The following PSD3 variants were observed in gnomAD, a reference collection of about 807,000 sequenced individuals.
PSD3 encodes the protein pleckstrin and Sec7 domain containing 3.
In PSD3, 49 loss-of-function variants were observed where a neutral mutation model predicts 105.5. The observed-to-expected ratio is 0.46, with a 90% CI of 0.37 to 0.59. The LOEUF is 0.59. Among genes scored for constraint, PSD3 ranks in the 20% least tolerant of loss-of-function variants. PSD3 has a pLI of 0.00. For missense variants in PSD3, 1,561 were observed against 1,263.8 expected, an observed-to-expected ratio of 1.24 and a Z score of -3.57; for synonymous variants, 557 against 457.8, an observed-to-expected ratio of 1.22 and a Z score of -2.77.
rs569445593 is a variant in PSD3, at chr8:18,759,140, T to C, written c.2172+6309A>G. ...CTTTCTTCCACATTAAAACTTTTGC[T>C]CTTCCCTTAAGGGAAGACGTGCTAA... On this transcript the variant is annotated intron_variant, in intron 9 of 15. Transcript: ENST00000327040. 7.2e-5 allele frequency among the ~76,000 whole-genome samples: 11 copies of C among 151,998 alleles called. No homozygotes were observed. In the South Asian group the frequency reaches 1.9e-3, roughly 26 times the overall value.
At chr8:18,857,107 G>C (rs757120533) in intron 4 of PSD3, among the ~76,000 whole-genome samples, 4 of 152,154 alleles carry the variant, frequency 2.6e-5, no homozygotes, top group Non-Finnish European at 5.9e-5. Context: ...TCATTTCCAG[G>C]TTCACAGCCA....
At chr8:18,659,245 C>A (rs889604939) in intron 9 of PSD3, among the ~76,000 whole-genome samples, 15 of 152,190 alleles carry the variant, frequency 9.9e-5, no homozygotes, top group African/African-American at 3.6e-4. Context: ...AACAATAGAA[C>A]AAATTAATGC....
At chr8:18,711,655 A>T (rs534354886) in intron 9 of PSD3, among the ~76,000 whole-genome samples, 12 of 152,314 alleles carry the variant, frequency 7.9e-5, no homozygotes, top group African/African-American at 2.9e-4. Flanking sequence ...CTACAAAGAG[A>T]CTTAGACTCC....
intron 9 of PSD3, among the ~76,000 whole-genome samples, chr8:18,753,135 T>C (rs1805742579): frequency 6.6e-6 from 1 of 152,018 alleles, no homozygotes; most frequent in Admixed American, 6.6e-5. Flanking sequence ...GGCAGGTGGA[T>C]CACGAGGTCA....
rs527355924 is a variant in PSD3 at position 18,951,489 on chromosome 8, C to G, written c.22-15347G>C. On this transcript the variant is annotated intron_variant, in intron 1 of 15. Transcript: ENST00000327040. ...AAAACCCAATCCTCTAGGGCCACAG[C>G]CACCATTCCTACAACACAAACCACA... Among the ~76,000 whole-genome samples, 5 of 152,254 alleles carry G rather than the reference C, an allele frequency of 3.3e-5. No homozygotes were observed. In the South Asian group the frequency reaches 6.2e-4, roughly 19 times the overall value.
chr8:18,587,209 C>G (rs976575242), intron 12 of PSD3, among the ~76,000 whole-genome samples: 15 of 152,178 alleles, frequency 9.9e-5, no homozygotes, highest in African/African-American at 3.6e-4. Context: ...ATGCCCCACA[C>G]AGGTCCTGTG....
chr8:18,641,043 C>T (rs991379963), intron 10 of PSD3, among the ~76,000 whole-genome samples: 1 of 152,152 alleles, frequency 6.6e-6, no homozygotes, highest in African/African-American at 2.4e-5. Context: ...TCTGCAGGTG[C>T]CTTGCACTCT....
At chr8:18,960,828 G>C (rs1823865884) in intron 1 of PSD3, among the ~76,000 whole-genome samples, 1 of 152,094 alleles carries the variant, frequency 6.6e-6, no homozygotes, top group Non-Finnish European at 1.5e-5. Flanking sequence ...GCTAATATCG[G>C]TAATCCCAGG....
intron 1 of PSD3, among the ~76,000 whole-genome samples, chr8:19,042,347 T>G (rs1828151924): frequency 6.6e-6 from 1 of 152,184 alleles, no homozygotes; most frequent in African/African-American, 2.4e-5. Context: ...GGCTTCCACA[T>G]GAGGATAAGT....
At chr8:18,539,225 C>T (rs536064630) in intron 15 of PSD3, among the ~76,000 whole-genome samples, 2 of 152,250 alleles carry the variant, frequency 1.3e-5, no homozygotes, top group Admixed American at 6.5e-5. Flanking sequence ...AAATGCTATC[C>T]AGAGGATTTG....
intron 9 of PSD3, among the ~76,000 whole-genome samples, chr8:18,764,521 G>A (rs1206610274): frequency 2.0e-5 from 3 of 151,972 alleles, no homozygotes; most frequent in Non-Finnish European, 4.4e-5. Flanking sequence ...ATACCACATC[G>A]TAATGCCTTC....
At chr8:18,549,420 C>G (rs1013375635) in intron 15 of PSD3, among the ~76,000 whole-genome samples, 2 of 152,098 alleles carry the variant, frequency 1.3e-5, no homozygotes, top group Non-Finnish European at 2.9e-5. Flanking sequence ...GTTGGCCAGG[C>G]TGGTCTTGAA....
intron 4 of PSD3, among the ~76,000 whole-genome samples, chr8:18,859,454 G>A (rs1287120490): frequency 6.6e-6 from 1 of 152,170 alleles, no homozygotes; most frequent in African/African-American, 2.4e-5. Context: ...CCTACCAAGG[G>A]TCAGCTTGTC....
At chr8:18,773,417 G>T (rs13277764) in intron 8 of PSD3, among the ~76,000 whole-genome samples, 67,569 of 151,714 alleles carry the variant, frequency 0.45, 17,856 homozygotes, top group Non-Finnish European at 0.6. Context: ...TAACATACGA[G>T]TACTCTAACT....
intron 2 of PSD3, among the ~76,000 whole-genome samples, chr8:18,932,516 G>A (rs1213968832): frequency 1.3e-5 from 2 of 152,210 alleles, no homozygotes; most frequent in Non-Finnish European, 2.9e-5. Context: ...TTACTGGCAT[G>A]CTGTGCCTAC....
At chr8:19,044,330 A>T (rs1477223238) in intron 1 of PSD3, among the ~76,000 whole-genome samples, 1 of 152,108 alleles carries the variant, frequency 6.6e-6, no homozygotes, top group Admixed American at 6.6e-5. Context: ...ACCTTTGATT[A>T]TATAATTGCC....
At chr8:18,539,679 C>T (rs1295365898) in intron 15 of PSD3, among the ~76,000 whole-genome samples, 1 of 151,370 alleles carries the variant, frequency 6.6e-6, no homozygotes, top group Non-Finnish European at 1.5e-5. Flanking sequence ...TCTGGAGTAG[C>T]TGGGACTGCA....
At chr8:18,586,903 G>T (rs919092759) in intron 12 of PSD3, among the ~76,000 whole-genome samples, 1 of 152,162 alleles carries the variant, frequency 6.6e-6, no homozygotes, top group Non-Finnish European at 1.5e-5. Context: ...TGGATGTAGA[G>T]CCTGAGTGTG....
chr8:18,906,733 C>T (rs1464947521), intron 2 of PSD3, among the ~76,000 whole-genome samples: 2 of 152,048 alleles, frequency 1.3e-5, no homozygotes, highest in African/African-American at 4.8e-5. Flanking sequence ...GAAATAAAAA[C>T]AAGTAAGTTC....
Sources: gnomAD v4.1 joint callset for allele counts (sites outside exome capture counted in the v4.1 genomes callset) on GRCh38, gnomAD v4.1.1 for gene constraint, MANE v1.5 for transcripts, NCBI Gene and HGNC (gene_info 2026-07-23, HGNC 2026-07-21) for gene names.